The following SPOCK3 variants were observed in gnomAD, a reference collection of about 807,000 sequenced individuals.
SPOCK3 encodes testican-3.
A neutral mutation model predicts 56.6 loss-of-function variants in SPOCK3; 30 were observed. The observed-to-expected ratio is 0.53, with a 90% CI of 0.40 to 0.72. The LOEUF (loss-of-function observed/expected upper bound fraction) is 0.72, where lower values mean the gene tolerates loss of function less well. Ranked by LOEUF, SPOCK3 falls within the 30% of genes least tolerant of loss-of-function variation. The probability of loss-of-function intolerance (pLI) is 0.00; values close to 1 mark genes in which losing one functional copy is unlikely to be tolerated. For synonymous variants in SPOCK3, 196 were observed against 183.3 expected (o/e 1.07, Z -0.56); for missense variants, 527 against 530.0 (o/e 0.99, Z 0.06).
At chr4:167,169,814 G>T (rs1195121212) in intron 2 of SPOCK3, among the ~76,000 whole-genome samples, 1 of 152,110 alleles carries the variant, frequency 6.6e-6, no homozygotes. Flanking sequence ...GGTGGAGCCA[G>T]GTGGCAATAA....
At chr4:167,225,600 T>C (rs964730788) in intron 2 of SPOCK3, among the ~76,000 whole-genome samples, 4 of 152,094 alleles carry the variant, frequency 2.6e-5, no homozygotes, top group African/African-American at 7.2e-5. Context: ...GCCATGAATA[T>C]ATATGAAAAA....
chr4:167,009,760 C>A (rs143711147), intron 3 of SPOCK3, among the ~76,000 whole-genome samples: 1 of 151,968 alleles, frequency 6.6e-6, no homozygotes, highest in African/African-American at 2.4e-5. Context: ...CAAAAACTAG[C>A]ATATCAAGAA....
intron 6 of SPOCK3, among the ~76,000 whole-genome samples, chr4:166,800,187 A>AAAAAAAAAAAAAAAAAAAAT (rs1742421630): frequency 8.5e-6 from 1 of 117,894 alleles, no homozygotes; most frequent in African/African-American, 3.4e-5. Flanking sequence ...ATCTCAGAAA[A>AAAAAAAAAAAAAAAAAAAAT]AAAAAAAAAA....
At chr4:167,221,154 G>A (rs2111101010) in intron 2 of SPOCK3, among the ~76,000 whole-genome samples, 1 of 151,776 alleles carries the variant, frequency 6.6e-6, no homozygotes, top group Admixed American at 6.6e-5. Context: ...GAGCCTAAGA[G>A]TTTGAGACCA....
chr4:167,222,766 T>C (rs1363324559), intron 2 of SPOCK3, among the ~76,000 whole-genome samples: 1 of 127,824 alleles, frequency 7.8e-6, no homozygotes, highest in Non-Finnish European at 1.6e-5. Context: ...TATTGATATA[T>C]GAATATATAA....
chr4:167,070,609 G>A (rs982147017), intron 2 of SPOCK3, among the ~76,000 whole-genome samples: 2 of 151,788 alleles, frequency 1.3e-5, no homozygotes, highest in African/African-American at 2.4e-5. Context: ...AAATCATAAG[G>A]TATTGCTAGT....
intron 7 of SPOCK3, among the ~76,000 whole-genome samples, chr4:166,771,012 C>T (rs1277500159): frequency 6.7e-6 from 1 of 148,974 alleles, no homozygotes; most frequent in African/African-American, 2.5e-5. Context: ...ATATACAATG[C>T]TATATATATT....
chr4:166,867,676 A>C (rs1156854787), intron 6 of SPOCK3, among the ~76,000 whole-genome samples: 1 of 151,550 alleles, frequency 6.6e-6, no homozygotes, highest in Non-Finnish European at 1.5e-5. Flanking sequence ...AATGTGTAGT[A>C]TATGCTCATA....
chr4:167,103,108 A>AC (rs1040205248), intron 2 of SPOCK3, among the ~76,000 whole-genome samples: 5 of 151,924 alleles, frequency 3.3e-5, no homozygotes, highest in African/African-American at 9.7e-5. Flanking sequence ...CCAGAAGGGA[A>AC]CCCACTCCCT....
chr4:167,131,128 G>C (rs994778846), intron 2 of SPOCK3, among the ~76,000 whole-genome samples: 1 of 151,728 alleles, frequency 6.6e-6, no homozygotes, highest in Admixed American at 6.6e-5. Flanking sequence ...ACCGAGACAT[G>C]AACAAGATCT....
intron 4 of SPOCK3, among the ~76,000 whole-genome samples, chr4:166,922,973 CA>C (rs1345428148): frequency 6.6e-6 from 1 of 152,090 alleles, no homozygotes; most frequent in Non-Finnish European, 1.5e-5. Context: ...AATAACTTAC[CA>C]AAAACTTGCT....
At chr4:167,070,622 T>TAAAGCTAA (rs1373907334) in intron 2 of SPOCK3, among the ~76,000 whole-genome samples, 3 of 151,934 alleles carry the variant, frequency 2.0e-5, no homozygotes, top group African/African-American at 7.2e-5. Flanking sequence ...TTGCTAGTTC[T>TAAAGCTAA]AAAGCTAAAA....
At chr4:167,147,058 C>T (rs550906059) in intron 2 of SPOCK3, among the ~76,000 whole-genome samples, 1 of 151,836 alleles carries the variant, frequency 6.6e-6, no homozygotes, top group African/African-American at 2.4e-5. Flanking sequence ...ATTGATAGAC[C>T]ACTAACCAGA....
intron 5 of SPOCK3, among the ~76,000 whole-genome samples, chr4:166,904,502 T>C (rs1367028789): frequency 6.6e-6 from 1 of 152,118 alleles, no homozygotes; most frequent in Non-Finnish European, 1.5e-5. Flanking sequence ...AGAAACTTTT[T>C]GAGTAACTCA....
intron 3 of SPOCK3, among the ~76,000 whole-genome samples, chr4:167,051,759 C>A (rs1754222889): frequency 6.6e-6 from 1 of 152,194 alleles, no homozygotes; most frequent in African/African-American, 2.4e-5. Context: ...TGCAGTGATG[C>A]CACTGAGGTG....
intron 3 of SPOCK3, among the ~76,000 whole-genome samples, chr4:167,016,766 T>C (rs1232919933): frequency 6.6e-6 from 1 of 152,088 alleles, no homozygotes; most frequent in East Asian, 1.9e-4. Flanking sequence ...GGTATTGAAC[T>C]CCTGACCTCA....
intron 6 of SPOCK3, among the ~76,000 whole-genome samples, chr4:166,821,346 T>C (rs1336281370): frequency 1.3e-5 from 2 of 152,016 alleles, no homozygotes; most frequent in Non-Finnish European, 2.9e-5. Flanking sequence ...CTGGTGAAAA[T>C]GTAAAATGGT....
intron 6 of SPOCK3, among the ~76,000 whole-genome samples, chr4:166,831,572 A>G (rs1327565771): frequency 6.6e-6 from 1 of 152,082 alleles, no homozygotes; most frequent in Non-Finnish European, 1.5e-5. Flanking sequence ...AACATATCAA[A>G]TTCATTGAAA....
At chr4:166,909,298 T>A (rs1165998871) in intron 5 of SPOCK3, among the ~76,000 whole-genome samples, 1 of 152,100 alleles carries the variant, frequency 6.6e-6, no homozygotes, top group Admixed American at 6.6e-5. Flanking sequence ...GTTTACCTTT[T>A]AAAATTATAT....
Sources: allele counts gnomAD v4.1 joint callset (sites outside exome capture counted in the v4.1 genomes callset), GRCh38; gene constraint gnomAD v4.1.1; transcripts MANE v1.5; gene names NCBI Gene and HGNC (gene_info 2026-07-23, HGNC 2026-07-21).